The following HECW2 variants were observed in gnomAD, a reference collection of about 807,000 sequenced individuals.
HECW2 encodes E3 ubiquitin-protein ligase HECW2.
Under a neutral mutation model 175.2 loss-of-function variants are expected in HECW2, and 61 were observed. That is an observed-to-expected ratio of 0.35 (90% CI 0.28 to 0.43). The LOEUF is 0.43. Among genes scored for constraint, HECW2 ranks in the 20% least tolerant of loss-of-function variants. The pLI is 1.00. For missense variants in HECW2, 1,524 were observed against 2,000.5 expected (o/e 0.76, Z 4.54); for synonymous variants, 671 against 731.0 (o/e 0.92, Z 1.32).
At chr2:196,255,181 G>C (rs1361179681) in intron 18 of HECW2, among the ~76,000 whole-genome samples, 7 of 124,316 alleles carry the variant, frequency 5.6e-5, no homozygotes, top group African/African-American at 2.0e-4. Context: ...AGTAGAGATG[G>C]GGTTTCACCA....
In HECW2 at chr2:196,317,071, G is replaced by A. The variant is rs112267846; in HGVS notation, c.2434+203C>T. ...CATGGGCAACACAGGATTTACAGCT[G>A]CCCTTTCTTTCAGCATAATGGTGCC... On this transcript the variant is annotated intron_variant, in intron 10 of 28. Transcript: ENST00000644978. 5.5e-5 allele frequency: 28 copies of A among 509,714 alleles called. 1 individual carries two copies. Among genetic ancestry groups the A allele is most frequent in the African/African-American group, 3.8e-4 (20 of 52,932 alleles). The allele number at this position is 509,714 out of a possible 1,614,324, so 31.6% of individuals were successfully genotyped here. A position where few individuals can be genotyped will look rare whatever the true frequency, so the allele number is the denominator to read the frequency against.
chr2:196,486,074 G>A (rs1453906688), intron 1 of HECW2, among the ~76,000 whole-genome samples: 1 of 152,138 alleles, frequency 6.6e-6, no homozygotes, highest in Non-Finnish European at 1.5e-5. Context: ...TGAGAAACAT[G>A]GCAATTTTTG....
At position 196,322,569 on chromosome 2, in the gene HECW2, C is replaced by A; in HGVS notation, c.793G>T (p.Asp265Tyr). The change falls in exon 7 of 29, where the codon GAC becomes TAC. Residue 265 changes from aspartate to tyrosine, a missense_variant. Physicochemically the swap from Asp to Tyr is radical, Grantham distance 160. This residue lies in a region of HECW2 where 95 missense variants were observed against 136.8 expected (regional missense o/e 0.69). Transcript: ENST00000644978. ...ATGGGACGGCTCTTGGCAAATTTGT[C>A]TTTAATTTCAATTTCTAAGACATCA... ...LTDVLEIEIK[D>Y]KFAKSRPIIK... is the part of the protein sequence containing the mutation. 1 of 1,613,622 alleles carries A rather than the reference C, an allele frequency of 6.2e-7. No individual in the cohort carries two copies. Among genetic ancestry groups the A allele is most frequent in the Non-Finnish European group, 8.5e-7 (1 of 1,179,636 alleles).
At chr2:196,211,710 G>A (rs115057274) in intron 28 of HECW2, among the ~76,000 whole-genome samples, 1 of 152,150 alleles carries the variant, frequency 6.6e-6, no homozygotes, top group East Asian at 1.9e-4. Flanking sequence ...CATCATCCTT[G>A]TCTAGAAAGA....
At chr2:196,323,454 C>T (rs1692023642) in intron 6 of HECW2, among the ~76,000 whole-genome samples, 2 of 152,212 alleles carry the variant, frequency 1.3e-5, no homozygotes, top group Non-Finnish European at 2.9e-5. Context: ...GCTTCCCTGA[C>T]AGTATCCATG....
At chr2:196,488,551 A>G (rs991625434) in intron 1 of HECW2, among the ~76,000 whole-genome samples, 1 of 152,082 alleles carries the variant, frequency 6.6e-6, no homozygotes, top group Non-Finnish European at 1.5e-5. Context: ...CTATACCACT[A>G]TATCTTGTTA....
At chr2:196,487,231 T>C (rs183706664) in intron 1 of HECW2, among the ~76,000 whole-genome samples, 40 of 152,130 alleles carry the variant, frequency 2.6e-4, no homozygotes, top group African/African-American at 8.9e-4. Flanking sequence ...GGAGGATCAC[T>C]TGAGCCCAGG....
intron 1 of HECW2, among the ~76,000 whole-genome samples, chr2:196,471,071 T>C (rs1161623846): frequency 6.6e-6 from 1 of 150,544 alleles, no homozygotes; most frequent in Non-Finnish European, 1.5e-5. Flanking sequence ...GCAAGGGAGA[T>C]TCATATGGAC....
At chr2:196,586,837 C>A (rs1368729813) in intron 1 of HECW2, 1 of 152,018 alleles carries the variant, frequency 6.6e-6, no homozygotes, top group Non-Finnish European at 1.5e-5. Context: ...GAACAAATGC[C>A]AAAAGCTGAT....
chr2:196,543,362 A>G (rs915828102), intron 1 of HECW2, among the ~76,000 whole-genome samples: 12 of 151,786 alleles, frequency 7.9e-5, no homozygotes, highest in African/African-American at 2.7e-4. Context: ...ATACATTTTA[A>G]AGTCCTACCC....
chr2:196,453,172 A>G (rs773817648), intron 1 of HECW2, among the ~76,000 whole-genome samples: 1 of 152,216 alleles, frequency 6.6e-6, no homozygotes, highest in Non-Finnish European at 1.5e-5. Flanking sequence ...CTTTAAGGAC[A>G]CAGAATTTCA....
At chr2:196,268,116 T>C (rs993214930) in intron 17 of HECW2, among the ~76,000 whole-genome samples, 1 of 152,246 alleles carries the variant, frequency 6.6e-6, no homozygotes, top group Non-Finnish European at 1.5e-5. Flanking sequence ...AAACAGAATG[T>C]TCTCTTAGAT....
chr2:196,381,090 C>A (rs1056230298), intron 2 of HECW2, among the ~76,000 whole-genome samples: 2 of 152,086 alleles, frequency 1.3e-5, no homozygotes, highest in African/African-American at 4.8e-5. Context: ...TGACCTAAGC[C>A]CCGTAGGAAA....
intron 1 of HECW2, chr2:196,493,096 T>C (rs1002282830): frequency 7.9e-5 from 12 of 152,302 alleles, no homozygotes; most frequent in Admixed American, 7.2e-4. Flanking sequence ...AGGCTAGACA[T>C]GGTGGCTCAT....
In HECW2 at chr2:196,343,706, T is replaced by C. The variant is rs1162936665; in HGVS notation, c.351A>G (p.Gln117=). The C allele has an allele frequency of 6.2e-7, 1 of 1,614,010 alleles. No homozygotes were observed. The highest frequency in any genetic ancestry group is 1.1e-5 in the South Asian group (1 of 91,078). Residue 117 remains glutamine (Q), a synonymous_variant, in exon 3 of 29, where the codon CAA becomes CAG. Coordinates refer to ENST00000644978, the MANE Select transcript of HECW2 (RefSeq NM_001348768.2). The stretch of plus-strand genomic sequence containing the variant: ...CAATTCTCCATACAATTTGCCCTTT[T>C]TGTGTTCCAGTCACACCCCTGTTCT... The part of the protein sequence containing the change: ...DSKNRGVTGT[Q]KGQIVWRIEP...
At chr2:196,364,967 G>A (rs538601247) in intron 2 of HECW2, among the ~76,000 whole-genome samples, 1 of 152,214 alleles carries the variant, frequency 6.6e-6, no homozygotes, top group East Asian at 1.9e-4. Context: ...GGATAGAAAG[G>A]GAAGCTTAAG....
chr2:196,304,105 A>G (rs1439256943), intron 13 of HECW2, among the ~76,000 whole-genome samples: 1 of 152,216 alleles, frequency 6.6e-6, no homozygotes, highest in East Asian at 1.9e-4. Flanking sequence ...TTCAGAATAA[A>G]GCCCAAATAC....
At chr2:196,218,658 C>A (rs981024271) in intron 26 of HECW2, among the ~76,000 whole-genome samples, 63 of 151,418 alleles carry the variant, frequency 4.2e-4, no homozygotes, top group Non-Finnish European at 6.2e-4. Flanking sequence ...ACTAAAAATA[C>A]AAAAATTAGC....
At chr2:196,580,622 A>G (rs1229861620) in intron 1 of HECW2, among the ~76,000 whole-genome samples, 1 of 151,940 alleles carries the variant, frequency 6.6e-6, no homozygotes, top group Non-Finnish European at 1.5e-5. Flanking sequence ...CGAAAACCTT[A>G]ATGAAACACA....
Sources: allele counts gnomAD v4.1 joint callset (sites outside exome capture counted in the v4.1 genomes callset), GRCh38; gene constraint gnomAD v4.1.1; regional missense constraint gnomAD v4.1.1; transcripts MANE v1.5; gene names NCBI Gene and HGNC (gene_info 2026-07-23, HGNC 2026-07-21).